Variants in SLIT1 observed in about 807,000 individuals in gnomAD.
The protein encoded by SLIT1 is slit homolog 1 protein.
A neutral mutation model predicts 186.1 loss-of-function variants in SLIT1; 66 were observed. That is an observed-to-expected ratio of 0.35 (90% CI 0.29 to 0.44). SLIT1 has a LOEUF of 0.44. Among genes scored for constraint, SLIT1 ranks in the 20% least tolerant of loss-of-function variants. SLIT1 has a pLI of 1.00. For synonymous variants in SLIT1, 761 were observed against 833.8 expected (o/e 0.91, Z 1.50); for missense variants, 1,638 against 2,037.4 (o/e 0.80, Z 3.77).
At chr10:97,164,253 A>C (rs1420567332) in intron 2 of SLIT1, among the ~76,000 whole-genome samples, 1 of 150,008 alleles carries the variant, frequency 6.7e-6, no homozygotes, top group Non-Finnish European at 1.5e-5. Flanking sequence ...GTGCCCCTGC[A>C]TGGGCCTCAG....
At chr10:97,148,597 A>T (rs1009204220) in intron 4 of SLIT1, among the ~76,000 whole-genome samples, 6 of 152,150 alleles carry the variant, frequency 3.9e-5, no homozygotes, top group African/African-American at 4.8e-5. Flanking sequence ...TTATTTTTTT[A>T]AAATTTTGCA....
chr10:97,030,775 A>G lies in SLIT1; in HGVS notation c.2564T>C (p.Val855Ala), dbSNP rs547070308. 61 of 1,614,006 alleles carry G rather than the reference A, an allele frequency of 3.8e-5. No individual in the cohort carries two copies. Among genetic ancestry groups the G allele is most frequent in the Non-Finnish European group, 5.0e-5 (59 of 1,179,914 alleles). Reference protein sequence around the residue: ...STLQEGIFADVTSLSHLAIGA... With the variant: ...STLQEGIFADATSLSHLAIGA... Reference sequence around the variant, plus strand: ...TACTCACAGGTGAGACAGGGAGGTCACGTCTGCAAAGATGCCCTCTTGGAG... The same window carrying G: ...TACTCACAGGTGAGACAGGGAGGTCGCGTCTGCAAAGATGCCCTCTTGGAG... Residue 855 changes from valine to alanine, a missense_variant, in exon 25 of 37, where the codon GTG (valine) becomes GCG (alanine). Val to Ala is a moderately conservative substitution (Grantham distance 64). This residue lies in a region of SLIT1 where 1,245 missense variants were observed against 1,535.3 expected (regional missense o/e 0.81). Coordinates refer to ENST00000266058, the MANE Select transcript of SLIT1 (RefSeq NM_003061.3).
At chr10:97,017,993 C>T (rs1414222041) in intron 28 of SLIT1, among the ~76,000 whole-genome samples, 1 of 151,830 alleles carries the variant, frequency 6.6e-6, no homozygotes, top group Non-Finnish European at 1.5e-5. Flanking sequence ...GGATTACAGG[C>T]GCGTGCCACC....
At chr10:97,148,849 A>T (rs1283687597) in intron 4 of SLIT1, among the ~76,000 whole-genome samples, 1 of 152,222 alleles carries the variant, frequency 6.6e-6, no homozygotes, top group African/African-American at 2.4e-5. Context: ...AAAGTTATTC[A>T]CAAGAGCCCG....
chr10:97,166,546 G>A (rs1177009722), intron 1 of SLIT1, among the ~76,000 whole-genome samples: 1 of 43,684 alleles, frequency 2.3e-5, no homozygotes, highest in Non-Finnish European at 4.4e-5. Context: ...AAGGAAGGAA[G>A]GAAGGAAGGA....
rs1589365484 is a variant in SLIT1 at position 97,021,399 on chromosome 10, T to G, written c.2597A>C (p.Asn866Thr). ...TSLSHLAIGA[N>T]PLYCDCHLRW... ...GAGGTGGCAGTCACAGTATAGGGGG[T>G]TGGCACCAATGGCCCTGAGCAGAAA... Residue 866 changes from asparagine to threonine, a missense_variant, in exon 26 of 37, where the codon AAC becomes ACC. Around this residue, in one of 3 missense-constraint regions of SLIT1, gnomAD observed 1,245 missense variants for 1,535.3 expected, o/e 0.81. Coordinates refer to ENST00000266058, the MANE Select transcript of SLIT1 (RefSeq NM_003061.3). This position sits in a 1 kb window ranked among gnomAD's most constrained non-coding sequence, Gnocchi z 4.5. The G allele has an allele frequency of 6.2e-7, 1 of 1,613,490 alleles. No homozygotes were observed. Among genetic ancestry groups the G allele is most frequent in the East Asian group, 2.2e-5 (1 of 44,836 alleles).
intron 4 of SLIT1, among the ~76,000 whole-genome samples, chr10:97,144,142 G>A (rs11813591): frequency 0.12 from 18,524 of 151,598 alleles, 1,198 homozygotes; most frequent in Middle Eastern, 0.18. Flanking sequence ...AGGTTGCAGT[G>A]AGCCGAGATA....
intron 4 of SLIT1, among the ~76,000 whole-genome samples, chr10:97,088,530 G>C (rs1483590435): frequency 6.6e-6 from 1 of 152,230 alleles, no homozygotes; most frequent in Non-Finnish European, 1.5e-5. Context: ...TTTGGGCAGA[G>C]AGGGCTTTGC....
chr10:97,040,112 C>T lies in SLIT1; in HGVS notation c.2173G>A (p.Glu725Lys). The change falls in exon 21 of 37, where the codon GAG (glutamate) becomes AAG (lysine). Residue 725 changes from glutamate to lysine, a missense_variant. By Grantham distance (56) the Glu-to-Lys change is moderately conservative. Coordinates refer to ENST00000266058, the MANE Select transcript of SLIT1 (RefSeq NM_003061.3). ...PDFRCEEGQE[E>K]GGCLPRPQCP... ...TGTGGGCGGGGCAGGCAGCCCCCCT[C>T]CTCCTGGCCTAGGGAAGAAGGCACG... 6.4e-7 allele frequency: 1 copy of T among 1,574,498 alleles called. No homozygotes were observed. The highest frequency in any genetic ancestry group is 8.6e-7 in the Non-Finnish European group (1 of 1,161,280).
At chr10:97,153,158 A>G (rs1483581732) in intron 4 of SLIT1, 1 of 152,210 alleles carries the variant, frequency 6.6e-6, no homozygotes, top group Non-Finnish European at 1.5e-5. Context: ...CTGGTGTCTA[A>G]TTCCAACCCT....
chr10:97,056,998 T>C (rs1203521075), intron 12 of SLIT1, among the ~76,000 whole-genome samples: 1 of 152,340 alleles, frequency 6.6e-6, no homozygotes, highest in East Asian at 1.9e-4. Flanking sequence ...TTTGGCATCC[T>C]GTGAGCAGCT....
In SLIT1 at chr10:97,068,920, G is replaced by A. The variant is rs1443066718; in HGVS notation, c.414-2834C>T. Among the ~76,000 whole-genome samples, 1 of 152,218 alleles carries A rather than the reference G, an allele frequency of 6.6e-6. No individual in the cohort carries two copies. The highest frequency in any genetic ancestry group is 1.5e-5 in the Non-Finnish European group (1 of 68,038). ...CATATGTCTTGAGAGGCTCATTTCA[G>A]TCTTTGCCTGCCTAATCCTTGTTAT... On this transcript the variant is annotated intron_variant, in intron 4 of 36. Transcript: ENST00000266058. The surrounding 1 kb of genome is among the most constrained non-coding windows in gnomAD (Gnocchi z 4.2).
rs745679414 is a variant in SLIT1, at chr10:97,006,759, G to A, written c.3342-39C>T. The stretch of plus-strand genomic sequence containing the variant: ...ACATAAGTCAGAGAGGGCCAAGGAG[G>A]AAGGGAGTATCTTCCTCTCCCACAG... On this transcript the variant is annotated intron_variant, in intron 31 of 36. Coordinates refer to ENST00000266058, the MANE Select transcript of SLIT1 (RefSeq NM_003061.3). The surrounding 1 kb of genome is among the most constrained non-coding windows in gnomAD (Gnocchi z 4.0). The A allele has an allele frequency of 1.4e-6, 2 of 1,416,202 alleles. No individual in the cohort carries two copies. Among genetic ancestry groups the A allele is most frequent in the East Asian group, 2.3e-5 (1 of 43,492 alleles). 87.7% of individuals were successfully genotyped at this position (1,416,202 alleles called of 1,614,324 possible).
At chr10:97,151,082 AG>A (rs1335087414) in intron 4 of SLIT1, among the ~76,000 whole-genome samples, 1 of 152,086 alleles carries the variant, frequency 6.6e-6, no homozygotes, top group Non-Finnish European at 1.5e-5. Context: ...AGAGGGTGGC[AG>A]GCTGCTCTCA....
At chr10:97,123,300 G>C (rs544248360) in intron 4 of SLIT1, among the ~76,000 whole-genome samples, 60 of 152,270 alleles carry the variant, frequency 3.9e-4, no homozygotes, top group African/African-American at 1.4e-3. Flanking sequence ...CCACAGTTTT[G>C]CAAAACAATA....
chr10:97,077,072 G>GGGCA (rs1186799639), intron 4 of SLIT1, among the ~76,000 whole-genome samples: 1 of 152,162 alleles, frequency 6.6e-6, no homozygotes, highest in Non-Finnish European at 1.5e-5. Flanking sequence ...AGATCATCAT[G>GGGCA]GGCAACATAG....
Position 97,043,594 on chromosome 10 carries a change from G to A in SLIT1, c.1854-81C>T, listed in dbSNP as rs527883297. 3.1e-5 allele frequency: 42 copies of A among 1,350,310 alleles called. No individual in the cohort carries two copies. The highest frequency in any genetic ancestry group is 5.1e-4 in the Middle Eastern group (2 of 3,906). 83.6% of individuals were successfully genotyped at this position (1,350,310 alleles called of 1,614,324 possible). A position where few individuals can be genotyped will look rare whatever the true frequency, so the allele number is the denominator to read the frequency against. Reference sequence around the variant, plus strand: ...CCTGGGCCACGCAGCTTCCGCCATCGTGGCTCGTTCACAGTTCTCCTCCAT... The same window carrying A: ...CCTGGGCCACGCAGCTTCCGCCATCATGGCTCGTTCACAGTTCTCCTCCAT... On this transcript the variant is annotated intron_variant, in intron 18 of 36. Transcript: ENST00000266058. This position sits in a 1 kb window ranked among gnomAD's most constrained non-coding sequence, Gnocchi z 7.0.
intron 4 of SLIT1, among the ~76,000 whole-genome samples, chr10:97,126,162 A>C (rs1849601898): frequency 6.6e-6 from 1 of 152,226 alleles, no homozygotes; most frequent in East Asian, 1.9e-4. Flanking sequence ...TTAGATTTTT[A>C]ATAACTTTCC....
chr10:97,158,261 G>A (rs746271737), intron 3 of SLIT1, among the ~76,000 whole-genome samples: 1 of 152,160 alleles, frequency 6.6e-6, no homozygotes, highest in Non-Finnish European at 1.5e-5. Context: ...GACTACACTT[G>A]AAATGGGAGA....
Sources: gnomAD v4.1 joint callset for allele counts (sites outside exome capture counted in the v4.1 genomes callset) on GRCh38, gnomAD v4.1.1 for gene constraint, gnomAD v4.1.1 regional missense constraint, Gnocchi (gnomAD v3.1) non-coding constraint, MANE v1.5 for transcripts, NCBI Gene and HGNC (gene_info 2026-07-23, HGNC 2026-07-21) for gene names.